Variants in DUS2 observed in about 807,000 individuals in gnomAD.
DUS2 encodes dihydrouridine synthase 2.
DUS2 carries 52 observed loss-of-function variants against 71.3 expected under a neutral mutation model. The ratio of observed to expected loss-of-function variants is 0.73; its 90% CI spans 0.58 to 0.92. DUS2 has a LOEUF of 0.92. DUS2 is among the 40% of genes least tolerant of loss of function. The pLI is 0.00. For missense variants in DUS2, 558 were observed against 622.6 expected, an observed-to-expected ratio of 0.90 and a Z score of 1.10; for synonymous variants, 204 against 227.8, an observed-to-expected ratio of 0.90 and a Z score of 0.94.
intron 12 of DUS2, among the ~76,000 whole-genome samples, chr16:68,072,260 A>C (rs567047427): frequency 1.3e-5 from 2 of 151,974 alleles, no homozygotes; most frequent in Admixed American, 6.6e-5. Context: ...TGCAGCCCTC[A>C]CTCCCTGGTT....
At chr16:68,065,539 G>C (rs558962292) in intron 8 of DUS2, among the ~76,000 whole-genome samples, 1 of 152,252 alleles carries the variant, frequency 6.6e-6, no homozygotes, top group East Asian at 1.9e-4. Flanking sequence ...GCTGAAGTGG[G>C]AGGATGGCTT....
At chr16:68,049,390 G>C in intron 3 of DUS2, 115 bp from the exon 4 acceptor site, 1 of 1,072,506 alleles carries the variant, frequency 9.3e-7, no homozygotes, top group South Asian at 1.3e-5. Context: ...GCCGTGGTTT[G>C]TTCTTGGTAG....
intron 6 of DUS2, among the ~76,000 whole-genome samples, chr16:68,055,150 G>C (rs190519750): frequency 4.9e-4 from 75 of 152,250 alleles, no homozygotes; most frequent in Non-Finnish European, 7.8e-4. Flanking sequence ...ATGCATATTG[G>C]GGGGAGCTGT....
At chr16:68,051,710 A>C (rs1271458366) in intron 4 of DUS2, among the ~76,000 whole-genome samples, 1 of 152,126 alleles carries the variant, frequency 6.6e-6, no homozygotes, top group Non-Finnish European at 1.5e-5. Context: ...GTTTAAAGGC[A>C]TATTATTTAA....
chr16:68,077,412 G>A (rs941369033), intron 15 of DUS2: 1 of 151,916 alleles, frequency 6.6e-6, no homozygotes, highest in African/African-American at 2.4e-5. Context: ...TTTTGAGACG[G>A]AGTCTCGCTC....
intron 12 of DUS2, among the ~76,000 whole-genome samples, chr16:68,071,752 T>C (rs545160538): frequency 4.1e-4 from 62 of 151,986 alleles, no homozygotes; most frequent in Non-Finnish European, 6.3e-4. Context: ...ATCCTCCTGC[T>C]TCAGCCTCCC....
At chr16:68,057,094 TATAG>T (rs1313679259) in intron 7 of DUS2, among the ~76,000 whole-genome samples, 3 of 139,860 alleles carry the variant, frequency 2.1e-5, no homozygotes, top group Non-Finnish European at 4.6e-5. Context: ...AATATATAAT[TATAG>T]ATTACATATA....
At chr16:68,050,281 G>A (rs2033760282) in intron 4 of DUS2, among the ~76,000 whole-genome samples, 1 of 152,022 alleles carries the variant, frequency 6.6e-6, no homozygotes, top group South Asian at 2.1e-4. Context: ...GGGACTACAG[G>A]TGCCCGCCAC....
At chr16:68,049,430 GGT>G (rs1400720615) in intron 3 of DUS2, 73 bp from the exon 4 acceptor site, 4 of 1,480,476 alleles carry the variant, frequency 2.7e-6, no homozygotes, top group Middle Eastern at 1.7e-4. Flanking sequence ...ATCCTCATTA[GGT>G]GTGTGATGAA....
intron 7 of DUS2, among the ~76,000 whole-genome samples, chr16:68,059,393 T>C (rs994477567): frequency 6.6e-6 from 1 of 152,180 alleles, no homozygotes; most frequent in Non-Finnish European, 1.5e-5. Context: ...AAAGCTATTA[T>C]TGTGGAAGGG....
chr16:68,046,144 C>A (rs921571475), intron 3 of DUS2, among the ~76,000 whole-genome samples: 6 of 152,162 alleles, frequency 3.9e-5, no homozygotes, highest in African/African-American at 1.4e-4. Flanking sequence ...GATCCTGTCA[C>A]CCAGATAGTG....
chr16:68,041,846 TA>T (rs1163544800), intron 3 of DUS2, among the ~76,000 whole-genome samples: 2 of 151,896 alleles, frequency 1.3e-5, no homozygotes, highest in Non-Finnish European at 2.9e-5. Flanking sequence ...GAGTGATTTT[TA>T]AAAGTTTTTT....
chr16:68,058,416 C>T (rs1009023819), intron 7 of DUS2, among the ~76,000 whole-genome samples: 1 of 151,844 alleles, frequency 6.6e-6, no homozygotes, highest in African/African-American at 2.4e-5. Context: ...TTAGTAGAGA[C>T]GGGGTTTTGC....
At chr16:68,050,118 G>A (rs12598256) in intron 4 of DUS2, among the ~76,000 whole-genome samples, 19,388 of 151,964 alleles carry the variant, frequency 0.13, 1,334 homozygotes, top group South Asian at 0.2. Context: ...TGAGTTTTCT[G>A]ATACATACGT....
chr16:68,031,102 C>G (rs1244061493), intron 2 of DUS2, among the ~76,000 whole-genome samples: 1 of 152,092 alleles, frequency 6.6e-6, no homozygotes, highest in Non-Finnish European at 1.5e-5. Flanking sequence ...AATACTTGCC[C>G]AGTAATGGCA....
chr16:68,072,747 C>T (rs11642143), intron 12 of DUS2, among the ~76,000 whole-genome samples: 1 of 152,192 alleles, frequency 6.6e-6, no homozygotes, highest in East Asian at 1.9e-4. Context: ...GGGAAGGCCA[C>T]CTTCACCCAA....
At chr16:68,066,123 T>C (rs1232432334) in intron 8 of DUS2, among the ~76,000 whole-genome samples, 194 bp from the exon 9 acceptor site, 1 of 152,174 alleles carries the variant, frequency 6.6e-6, no homozygotes, top group Non-Finnish European at 1.5e-5. Flanking sequence ...GGGGCTCCAG[T>C]ATAGAACAAA....
At chr16:68,078,559 C>A in intron 16 of DUS2, 41 bp downstream of exon 16, 1 of 1,599,364 alleles carries the variant, frequency 6.3e-7, no homozygotes, top group South Asian at 1.1e-5. Flanking sequence ...TGGGGTGGGG[C>A]GGAGAGTGGG....
At chr16:68,030,358 C>T (rs953791583) in intron 2 of DUS2, among the ~76,000 whole-genome samples, 5 of 152,030 alleles carry the variant, frequency 3.3e-5, no homozygotes, top group Admixed American at 3.3e-4. Flanking sequence ...CTTTGGGAGG[C>T]TGAGGCGGGT....
Sources: allele counts gnomAD v4.1 joint callset (sites outside exome capture counted in the v4.1 genomes callset), GRCh38; gene constraint gnomAD v4.1.1; transcripts MANE v1.5; gene names NCBI Gene and HGNC (gene_info 2026-07-23, HGNC 2026-07-21).